Variants in WWOX observed in about 807,000 individuals in gnomAD.
WWOX encodes WW domain-containing oxidoreductase.
WWOX carries 69 observed loss-of-function variants against 46.2 expected under a neutral mutation model. That is an observed-to-expected ratio of 1.49 (90% CI 1.23 to 1.82). The LOEUF is 1.82. Ranked by LOEUF, WWOX falls within the 40% of genes most tolerant of loss-of-function variation. The probability of loss-of-function intolerance (pLI) is 0.00; values close to 1 mark genes in which losing one functional copy is unlikely to be tolerated. For missense variants in WWOX, 919 were observed against 542.6 expected (o/e 1.69, Z -6.89); for synonymous variants, 359 against 202.6 (o/e 1.77, Z -6.56).
At position 78,789,530 on chromosome 16, in the gene WWOX, C is replaced by G. The variant is rs79999700; in HGVS notation, c.1056+356778C>G. Among the ~76,000 whole-genome samples the G allele has an allele frequency of 5.5e-3, 837 of 152,196 alleles. 9 individuals carry two copies. The highest frequency in any genetic ancestry group is 0.019 in the African/African-American group (800 of 41,522). Reference sequence around the variant, plus strand: ...TGTATGCCTGTCCTTATGCCATTGCCACATTGTTTTGGTTACTGTACTCTG... The same window carrying G: ...TGTATGCCTGTCCTTATGCCATTGCGACATTGTTTTGGTTACTGTACTCTG... On this transcript the variant is annotated intron_variant, in intron 8 of 8. Coordinates refer to ENST00000566780, the MANE Select transcript of WWOX (RefSeq NM_016373.4).
intron 8 of WWOX, among the ~76,000 whole-genome samples, chr16:78,473,661 GT>G (rs958368898): frequency 2.2e-4 from 34 of 151,760 alleles, no homozygotes; most frequent in Admixed American, 1.5e-3. Flanking sequence ...GATATGGAGC[GT>G]TTTTTTTGGA....
At chr16:78,648,139 C>A (rs2548843) in intron 8 of WWOX, among the ~76,000 whole-genome samples, 62,902 of 152,072 alleles carry the variant, frequency 0.41, 15,769 homozygotes, top group Middle Eastern at 0.62. Flanking sequence ...TGAAAGGTGA[C>A]TGAATACATT....
intron 8 of WWOX, among the ~76,000 whole-genome samples, chr16:78,696,415 G>T (rs2048100625): frequency 6.6e-6 from 1 of 151,984 alleles, no homozygotes; most frequent in Non-Finnish European, 1.5e-5. Flanking sequence ...TTCACCTTTG[G>T]GATGCTGAGA....
At chr16:78,398,869 C>G (rs764367578) in intron 6 of WWOX, among the ~76,000 whole-genome samples, 1 of 152,202 alleles carries the variant, frequency 6.6e-6, no homozygotes, top group African/African-American at 2.4e-5. Flanking sequence ...TGAATTTTAA[C>G]CTGTGTCATC....
chr16:78,172,024 G>A (rs1265504010), intron 5 of WWOX, among the ~76,000 whole-genome samples: 1 of 152,196 alleles, frequency 6.6e-6, no homozygotes, highest in Non-Finnish European at 1.5e-5. Context: ...TTAGAGGCTG[G>A]AAGAGGCATA....
At chr16:79,138,331 C>G (rs934464585) in intron 8 of WWOX, among the ~76,000 whole-genome samples, 1 of 152,184 alleles carries the variant, frequency 6.6e-6, no homozygotes, top group African/African-American at 2.4e-5. Flanking sequence ...GTCCACTTCT[C>G]AACTTGGGAG....
At chr16:78,138,247 T>TC (rs2033867750) in intron 4 of WWOX, among the ~76,000 whole-genome samples, 4 of 151,020 alleles carry the variant, frequency 2.6e-5, no homozygotes, top group Non-Finnish European at 4.4e-5. Context: ...TTATTGTGTG[T>TC]TCAATGACTT....
At chr16:78,351,269 C>T (rs1162131227) in intron 5 of WWOX, among the ~76,000 whole-genome samples, 2 of 152,220 alleles carry the variant, frequency 1.3e-5, no homozygotes, top group South Asian at 2.1e-4. Context: ...AAATTATAGT[C>T]CATATCACTT....
intron 8 of WWOX, among the ~76,000 whole-genome samples, chr16:78,996,947 G>A (rs1036115673): frequency 2.0e-5 from 3 of 152,190 alleles, no homozygotes; most frequent in Admixed American, 1.3e-4. Flanking sequence ...ATCCTCTCCC[G>A]CGCCTGGGAG....
chr16:78,573,209 C>A (rs1285123914), intron 8 of WWOX, among the ~76,000 whole-genome samples: 1 of 152,114 alleles, frequency 6.6e-6, no homozygotes, highest in Non-Finnish European at 1.5e-5. Flanking sequence ...TGGCGTGAAC[C>A]CAGGAGGCAG....
intron 8 of WWOX, among the ~76,000 whole-genome samples, chr16:78,983,579 C>G (rs1012878685): frequency 1.4e-4 from 22 of 152,136 alleles, no homozygotes; most frequent in Non-Finnish European, 2.9e-4. Flanking sequence ...TCTCCCTTTT[C>G]TCCTTGCCAC....
At chr16:78,879,001 A>G (rs1168932113) in intron 8 of WWOX, among the ~76,000 whole-genome samples, 3 of 149,920 alleles carry the variant, frequency 2.0e-5, no homozygotes, top group African/African-American at 7.4e-5. Context: ...CAGGAATTTG[A>G]GGTTGCAGTG....
chr16:78,211,194 C>G (rs141308174), intron 5 of WWOX, among the ~76,000 whole-genome samples: 10 of 152,284 alleles, frequency 6.6e-5, no homozygotes, highest in South Asian at 4.1e-4. Flanking sequence ...TTAATTCCCA[C>G]GCTGCCAATT....
At chr16:78,754,421 AG>A (rs1156762970) in intron 8 of WWOX, among the ~76,000 whole-genome samples, 1 of 152,154 alleles carries the variant, frequency 6.6e-6, no homozygotes, top group African/African-American at 2.4e-5. Context: ...TTTGTAGATC[AG>A]GGTTTTGAAG....
chr16:78,424,159 T>C (rs1347166767), intron 6 of WWOX, among the ~76,000 whole-genome samples: 2 of 144,312 alleles, frequency 1.4e-5, no homozygotes, highest in African/African-American at 5.3e-5. Context: ...GCTCTGTTGG[T>C]CAGGCTGGAG....
At chr16:78,575,022 AATATATATATATATATATATATATAT>A (rs1215227335) in intron 8 of WWOX, among the ~76,000 whole-genome samples, 12 of 13,994 alleles carry the variant, frequency 8.6e-4, no homozygotes, top group African/African-American at 1.9e-3. Flanking sequence ...TATATATATA[AATATATATATATATATATATATATAT>A]ATATATATAT....
intron 8 of WWOX, among the ~76,000 whole-genome samples, chr16:78,579,978 G>A (rs574514979): frequency 1.3e-5 from 2 of 152,164 alleles, no homozygotes; most frequent in African/African-American, 2.4e-5. Flanking sequence ...AGTCATGCCA[G>A]CGTTTAAGGC....
At chr16:79,070,301 TG>T (rs2048525343) in intron 8 of WWOX, among the ~76,000 whole-genome samples, 1 of 151,820 alleles carries the variant, frequency 6.6e-6, no homozygotes, top group East Asian at 1.9e-4. Flanking sequence ...TGTGTGTGTG[TG>T]TGTGTTTTCC....
intron 8 of WWOX, among the ~76,000 whole-genome samples, chr16:78,993,652 T>C (rs1256917607): frequency 6.6e-6 from 1 of 152,196 alleles, no homozygotes; most frequent in Non-Finnish European, 1.5e-5. Context: ...TGGCTGTCTC[T>C]TAGTTTTGTC....
Sources: gnomAD v4.1 joint callset for allele counts (sites outside exome capture counted in the v4.1 genomes callset) on GRCh38, gnomAD v4.1.1 for gene constraint, MANE v1.5 for transcripts, NCBI Gene and HGNC (gene_info 2026-07-23, HGNC 2026-07-21) for gene names.